The following COL8A1 variants were observed in gnomAD, a reference collection of about 807,000 sequenced individuals.
COL8A1 encodes collagen alpha-1(VIII) chain.
In COL8A1, 21 loss-of-function variants were observed where a neutral mutation model predicts 42.7. The observed-to-expected ratio is 0.49, with a 90% CI of 0.35 to 0.71. The LOEUF is 0.71. Among genes scored for constraint, COL8A1 ranks in the 30% least tolerant of loss-of-function variants. The pLI is 0.01. For missense variants in COL8A1, 788 were observed against 962.4 expected (o/e 0.82, Z 2.40); for synonymous variants, 367 against 369.1 (o/e 0.99, Z 0.06).
At chr3:99,735,802 G>T (rs1940690964) in intron 1 of COL8A1, among the ~76,000 whole-genome samples, 1 of 152,042 alleles carries the variant, frequency 6.6e-6, no homozygotes, top group South Asian at 2.1e-4. Context: ...TGCTTGGTAA[G>T]CTATTGATTA....
At chr3:99,755,708 G>A (rs1941240567) in intron 2 of COL8A1, among the ~76,000 whole-genome samples, 1 of 152,194 alleles carries the variant, frequency 6.6e-6, no homozygotes, top group Admixed American at 6.5e-5. Context: ...ACAATGATCT[G>A]GAAGACAGTT....
intron 1 of COL8A1, among the ~76,000 whole-genome samples, chr3:99,686,785 C>A (rs927309984): frequency 1.8e-4 from 28 of 152,192 alleles, no homozygotes; most frequent in African/African-American, 6.3e-4. Flanking sequence ...AGGTGATCCT[C>A]CCATCTCAGC....
chr3:99,702,649 T>C (rs144054267), intron 1 of COL8A1, among the ~76,000 whole-genome samples: 209 of 152,362 alleles, frequency 1.4e-3, no homozygotes, highest in African/African-American at 4.7e-3. Flanking sequence ...TTTTATTCAT[T>C]CATTTATCAA....
chr3:99,722,482 A>T (rs1559617813), intron 1 of COL8A1, among the ~76,000 whole-genome samples: 1 of 152,172 alleles, frequency 6.6e-6, no homozygotes, highest in East Asian at 1.9e-4. Context: ...TATGTAAGTT[A>T]TGCCTCAGTA....
chr3:99,728,390 G>C (rs1367996059), intron 1 of COL8A1, among the ~76,000 whole-genome samples: 1 of 151,856 alleles, frequency 6.6e-6, no homozygotes, highest in Admixed American at 6.6e-5. Flanking sequence ...TCTCCTTCCT[G>C]CTTCCTCCTA....
intron 1 of COL8A1, among the ~76,000 whole-genome samples, chr3:99,653,054 T>C (rs780075121): frequency 1.2e-4 from 19 of 152,176 alleles, no homozygotes; most frequent in African/African-American, 4.3e-4. Context: ...TGCTCTAAAA[T>C]AAACTTACCT....
intron 1 of COL8A1, among the ~76,000 whole-genome samples, chr3:99,675,270 T>C (rs991948713): frequency 6.6e-6 from 1 of 152,136 alleles, no homozygotes; most frequent in African/African-American, 2.4e-5. Context: ...TTTCAATGGC[T>C]ATCTTTCCTT....
intron 1 of COL8A1, among the ~76,000 whole-genome samples, chr3:99,693,684 T>G (rs900921440): frequency 6.6e-5 from 10 of 152,312 alleles, no homozygotes; most frequent in Middle Eastern, 3.4e-3. Context: ...GTTAAAAAAT[T>G]AAAAGGAAGA....
chr3:99,715,369 C>A (rs568022278), intron 1 of COL8A1, among the ~76,000 whole-genome samples: 6 of 152,118 alleles, frequency 3.9e-5, no homozygotes, highest in African/African-American at 1.4e-4. Context: ...AAAGATAGAG[C>A]TGACAGGTCT....
intron 1 of COL8A1, among the ~76,000 whole-genome samples, chr3:99,702,594 A>T (rs1490754198): frequency 6.6e-6 from 1 of 152,230 alleles, no homozygotes; most frequent in Non-Finnish European, 1.5e-5. Context: ...CAACATGATG[A>T]CAATGACAGC....
chr3:99,759,305 A>G (rs1395439951), intron 2 of COL8A1, among the ~76,000 whole-genome samples: 1 of 152,184 alleles, frequency 6.6e-6, no homozygotes, highest in Admixed American at 6.6e-5. Flanking sequence ...GCAAATGCAT[A>G]ACAAATGAAA....
At chr3:99,684,336 T>A (rs1242959645) in intron 1 of COL8A1, among the ~76,000 whole-genome samples, 1 of 152,192 alleles carries the variant, frequency 6.6e-6, no homozygotes, top group Admixed American at 6.5e-5. Flanking sequence ...ATGTGTAAAA[T>A]TGGACAAATT....
chr3:99,744,715 A>G (rs1940985663), intron 1 of COL8A1, among the ~76,000 whole-genome samples, 182 bp from the exon 2 acceptor site: 1 of 152,246 alleles, frequency 6.6e-6, no homozygotes, highest in Non-Finnish European at 1.5e-5. Context: ...AAAGCAATAA[A>G]GATATACAAT....
At chr3:99,664,514 A>C (rs1938304149) in intron 1 of COL8A1, among the ~76,000 whole-genome samples, 1 of 152,008 alleles carries the variant, frequency 6.6e-6, no homozygotes, top group African/African-American at 2.4e-5. Context: ...AAAAACTTCA[A>C]CCTCAAATTC....
chr3:99,745,237 G>C (rs1037366056), intron 2 of COL8A1, among the ~76,000 whole-genome samples: 5 of 152,170 alleles, frequency 3.3e-5, no homozygotes, highest in Admixed American at 1.3e-4. Flanking sequence ...TAAAATACAT[G>C]TGCAGAGTGT....
intron 2 of COL8A1, among the ~76,000 whole-genome samples, chr3:99,779,662 A>G (rs1054564831): frequency 2.6e-5 from 4 of 152,230 alleles, no homozygotes; most frequent in Admixed American, 6.5e-5. Context: ...GTGGGCAAGC[A>G]GATATAATAT....
At position 99,794,295 on chromosome 3, in the gene COL8A1, C is replaced by T. The variant is rs1942059416; in HGVS notation, c.394C>T (p.Pro132Ser). ...PRGEPGPRGP[P>S]GPPGLPGHGI... is the part of the protein sequence containing the mutation. Reference sequence around the variant, plus strand: ...TGGAGAGCCTGGCCCAAGAGGACCACCTGGGCCCCCTGGTTTGCCAGGTCA... The same window carrying T: ...TGGAGAGCCTGGCCCAAGAGGACCATCTGGGCCCCCTGGTTTGCCAGGTCA... The change falls in exon 4 of 4, where the codon CCT becomes TCT. Residue 132 changes from proline to serine, a missense_variant. Pro to Ser is a moderately conservative substitution (Grantham distance 74). This residue lies in a region of COL8A1 where 421 missense variants were observed against 553.1 expected (regional missense o/e 0.76). Coordinates refer to ENST00000652472, the MANE Select transcript of COL8A1 (RefSeq NM_020351.4). This position sits in a 1 kb window ranked among gnomAD's most constrained non-coding sequence, Gnocchi z 4.3. 2.5e-6 allele frequency: 4 copies of T among 1,613,370 alleles called. No individual in the cohort carries two copies. The highest frequency in any genetic ancestry group is 3.4e-6 in the Non-Finnish European group (4 of 1,179,664).
Position 99,795,740 on chromosome 3 carries a change from T to C in COL8A1, c.1839T>C (p.Tyr613=), listed in dbSNP as rs368547664. Reference sequence around the variant, plus strand: ...AAGGCAAGAATGGAGGGCCAGCCTATGAGATGCCTGCATTTACCGCCGAGC... The same window carrying C: ...AAGGCAAGAATGGAGGGCCAGCCTACGAGATGCCTGCATTTACCGCCGAGC... ...AKKGKNGGPA[Y]EMPAFTAELT... Residue 613 remains tyrosine (Y), a synonymous_variant, in exon 4 of 4, where the codon TAT becomes TAC. Transcript: ENST00000652472. 37 of 1,613,972 alleles carry C rather than the reference T, an allele frequency of 2.3e-5. No individual in the cohort carries two copies. The highest frequency in any genetic ancestry group is 2.9e-5 in the Non-Finnish European group (34 of 1,180,014).
At chr3:99,676,647 A>G (rs2107318698) in intron 1 of COL8A1, among the ~76,000 whole-genome samples, 1 of 152,292 alleles carries the variant, frequency 6.6e-6, no homozygotes, top group South Asian at 2.1e-4. Flanking sequence ...CTTTTGGAAG[A>G]AGACAAGAAT....
Sources: allele counts gnomAD v4.1 joint callset (sites outside exome capture counted in the v4.1 genomes callset), GRCh38; gene constraint gnomAD v4.1.1; regional missense constraint gnomAD v4.1.1; non-coding constraint Gnocchi (gnomAD v3.1); transcripts MANE v1.5; gene names NCBI Gene and HGNC (gene_info 2026-07-23, HGNC 2026-07-21).